The following ZNF239 variants were observed in gnomAD, a reference collection of about 807,000 sequenced individuals.
The protein encoded by ZNF239 is zinc finger protein (C2H2) homologous to mouse MOK-2.
A neutral mutation model predicts 27.5 loss-of-function variants in ZNF239; 16 were observed. That is an observed-to-expected ratio of 0.58 (90% CI 0.39 to 0.88). The LOEUF (loss-of-function observed/expected upper bound fraction) is 0.88, where lower values mean the gene tolerates loss of function less well. ZNF239 is among the 40% of genes least tolerant of loss of function. ZNF239 has a pLI of 0.00. For missense variants in ZNF239, 527 were observed against 551.9 expected (o/e 0.95, Z 0.45); for synonymous variants, 199 against 192.6 (o/e 1.03, Z -0.27).
At chr10:43,566,374 C>G (rs1383984329) in intron 3 of ZNF239, among the ~76,000 whole-genome samples, 2 of 152,050 alleles carry the variant, frequency 1.3e-5, no homozygotes, top group African/African-American at 4.8e-5. Context: ...GCAACTCTGC[C>G]TTCCTGGCTC....
intron 1 of ZNF239, among the ~76,000 whole-genome samples, chr10:43,574,013 G>C (rs886247053): frequency 2.0e-5 from 3 of 152,164 alleles, no homozygotes; most frequent in African/African-American, 7.2e-5. Context: ...GATGGATTTC[G>C]GTTGCCCAAG....
At position 43,560,364 on chromosome 10, in the gene ZNF239, G is replaced by A. The variant is rs565866735; in HGVS notation, c.-92-2193C>T. Among the ~76,000 whole-genome samples the A allele has an allele frequency of 3.3e-5, 5 of 152,294 alleles. No homozygotes were observed. The South Asian group carries it at 1.0e-3, about 32-fold the overall frequency. ...CTTCAAGCTAAACTTTTTAATGGGA[G>A]TTCTGACAAGGAAGATAGCCCAGCG... On this transcript the variant is annotated intron_variant, in intron 3 of 3. Transcript: ENST00000374446.
chr10:43,561,623 A>G (rs1437110847), intron 3 of ZNF239, among the ~76,000 whole-genome samples: 2 of 152,168 alleles, frequency 1.3e-5, no homozygotes. Context: ...ACTATAGCAA[A>G]ATTTTTTAAA....
At chr10:43,558,696 G>A (rs968520872) in intron 3 of ZNF239, among the ~76,000 whole-genome samples, 3 of 152,206 alleles carry the variant, frequency 2.0e-5, no homozygotes, top group East Asian at 3.9e-4. Context: ...TGATCCATCC[G>A]CGTCAGCCTC....
intron 2 of ZNF239, chr10:43,570,131 C>A: frequency 1.0e-6 from 1 of 979,996 alleles, no homozygotes; most frequent in Non-Finnish European, 1.2e-6. Flanking sequence ...AGGCACCACT[C>A]CCTCCTTCCT....
intron 3 of ZNF239, among the ~76,000 whole-genome samples, chr10:43,559,930 A>G (rs1209429754): frequency 6.6e-6 from 1 of 152,234 alleles, no homozygotes; most frequent in Non-Finnish European, 1.5e-5. Flanking sequence ...ACATCCTAAG[A>G]AATCATAGAA....
In ZNF239 at chr10:43,557,313, A is replaced by T. The variant is rs761748741; in HGVS notation, c.767T>A (p.Val256Asp). The change falls in exon 4 of 4, where the codon GTC becomes GAC. Residue 256 changes from valine (V) to aspartate (D), a missense_variant. By Grantham distance (152) the Val-to-Asp change is radical (BLOSUM62 -3). Coordinates refer to ENST00000374446, the MANE Select transcript of ZNF239 (RefSeq NM_001099282.2). ...RSSSLLIHQA[V>D]HTDEKPYKCD... is the part of the protein sequence containing the mutation. ...CTTATAAGGCTTCTCATCTGTGTGG[A>T]CTGCCTGATGGATAAGCAGACTCGA... The T allele has an allele frequency of 5.0e-6, 8 of 1,614,016 alleles. No homozygotes were observed. In the South Asian group the frequency reaches 8.8e-5, roughly 18 times the overall value.
intron 3 of ZNF239, among the ~76,000 whole-genome samples, chr10:43,565,626 T>C (rs1316281803): frequency 6.6e-6 from 1 of 151,660 alleles, no homozygotes; most frequent in African/African-American, 2.4e-5. Context: ...CCAGCCTGGC[T>C]AACATGGTGA....
At position 43,557,799 on chromosome 10, in the gene ZNF239, C is replaced by A. The variant is rs372651134; in HGVS notation, c.281G>T (p.Arg94Leu). The A allele has an allele frequency of 5.0e-6, 8 of 1,614,214 alleles. No individual in the cohort carries two copies. The highest frequency in any genetic ancestry group is 6.8e-6 in the Non-Finnish European group (8 of 1,180,042). Residue 94 changes from arginine to leucine, a missense_variant, in exon 4 of 4, where the codon CGT (arginine) becomes CTT (leucine). Transcript: ENST00000374446. ...AGTGCTTTCTTCCATTACAAAGAGA[C>A]GTCTGCTTTCCTGATGATCCTGAGG... ...NEPQDHQESR[R>L]LFVMEESTER...
intron 3 of ZNF239, 94 bp downstream of exon 3, chr10:43,567,805 T>C: frequency 2.9e-6 from 2 of 701,264 alleles, no homozygotes; most frequent in Non-Finnish European, 3.5e-6. Flanking sequence ...TTTAGCTGCT[T>C]AGAATAGTCA....
chr10:43,571,163 T>C (rs552968927), intron 2 of ZNF239, among the ~76,000 whole-genome samples: 18 of 151,806 alleles, frequency 1.2e-4, no homozygotes, highest in East Asian at 9.7e-4. Context: ...ACAAGTTCAA[T>C]TGTTTCCTGT....
Position 43,574,597 on chromosome 10 carries a change from C to T in ZNF239, c.-314G>A, listed in dbSNP as rs1268921945. On this transcript the variant is annotated 5_prime_UTR_variant, in exon 1 of 4. Coordinates refer to ENST00000374446, the MANE Select transcript of ZNF239 (RefSeq NM_001099282.2). ...AGATTCCGGATGCTGACCGCTCGCG[C>T]GCCTAGGGCCCCGAAATACAAGTCC... 2.0e-5 allele frequency: 3 copies of T among 152,304 alleles called. No homozygotes were observed. Among genetic ancestry groups the T allele is most frequent in the East Asian group, 3.8e-4 (2 of 5,202 alleles). 9.4% of individuals were successfully genotyped at this position (152,304 alleles called of 1,614,324 possible). A position where few individuals can be genotyped will look rare whatever the true frequency, so the allele number is the denominator to read the frequency against.
rs1366601202 is a variant in ZNF239, at chr10:43,556,516, T to C, written c.*187A>G. ...CCATCTGAGAAACAAGAACAATCCATTCATTGTACAGCATAACAAAGTGCT... is the reference window on the plus strand; with the variant it reads ...CCATCTGAGAAACAAGAACAATCCACTCATTGTACAGCATAACAAAGTGCT... On this transcript the variant is annotated 3_prime_UTR_variant, in exon 4 of 4. Transcript: ENST00000374446. The C allele has an allele frequency of 1.4e-6, 1 of 705,162 alleles. No homozygotes were observed. The highest frequency in any genetic ancestry group is 1.8e-5 in the African/African-American group (1 of 56,114). The allele number at this position is 705,162 out of a possible 1,614,324, so 43.7% of individuals were successfully genotyped here.
In ZNF239 at chr10:43,558,275, A is replaced by G. The variant is rs899519057; in HGVS notation, c.-92-104T>C. On this transcript the variant is annotated intron_variant, in intron 3 of 3. Transcript: ENST00000374446. ...AGTCTTAGTAACTAGGAAAAAGTTC[A>G]GCTTGTCTTTATAGTCATGTCCTTT... is the stretch of plus-strand genomic sequence containing the variant. 1.0e-5 allele frequency: 11 copies of G among 1,105,044 alleles called. No individual in the cohort carries two copies. The Admixed American group carries it at 3.2e-4, about 33-fold the overall frequency. The allele number at this position is 1,105,044 out of a possible 1,614,324, so 68.5% of individuals were successfully genotyped here.
chr10:43,574,350 G>T (rs992468998), intron 1 of ZNF239, among the ~76,000 whole-genome samples, 190 bp downstream of exon 1: 1 of 152,186 alleles, frequency 6.6e-6, no homozygotes, highest in African/African-American at 2.4e-5. Flanking sequence ...CCCCGGGGGC[G>T]CAGCAGCTCG....
At chr10:43,564,906 C>T (rs1178325984) in intron 3 of ZNF239, among the ~76,000 whole-genome samples, 2 of 151,910 alleles carry the variant, frequency 1.3e-5, no homozygotes, top group Non-Finnish European at 2.9e-5. Flanking sequence ...AAAAGTGGGA[C>T]TATAAGAAGG....
chr10:43,557,882 C>T lies in ZNF239; in HGVS notation c.198G>A (p.Leu66=), dbSNP rs371028009. 1 of 1,614,214 alleles carries T rather than the reference C, an allele frequency of 6.2e-7. No individual in the cohort carries two copies. Among genetic ancestry groups the T allele is most frequent in the East Asian group, 2.2e-5 (1 of 44,890 alleles). The change falls in exon 4 of 4, where the codon TTG becomes TTA. Residue 66 remains leucine (L), a synonymous_variant. Coordinates refer to ENST00000374446, the MANE Select transcript of ZNF239 (RefSeq NM_001099282.2). Reference sequence around the variant, plus strand: ...GTGTGTCTATTTGGCTTGAGACTTTCAAAGGCAAATATGTTTCACTTTCAA... The same window carrying T: ...GTGTGTCTATTTGGCTTGAGACTTTTAAAGGCAAATATGTTTCACTTTCAA... ...ENIESETYLP[L]KVSSQIDTQD... is the part of the protein sequence containing the mutation.
At chr10:43,570,050 AAT>A (rs780983924) in intron 2 of ZNF239, 42 of 407,084 alleles carry the variant, frequency 1.0e-4, no homozygotes, top group Admixed American at 9.0e-4. Context: ...AAAGTGATAG[AAT>A]ATATAAAAAG....
At chr10:43,562,165 A>G (rs902228934) in intron 3 of ZNF239, among the ~76,000 whole-genome samples, 1 of 152,198 alleles carries the variant, frequency 6.6e-6, no homozygotes, top group Non-Finnish European at 1.5e-5. Context: ...TAGAAATTAC[A>G]AAATATTGAT....
Sources: gnomAD v4.1 joint callset for allele counts (sites outside exome capture counted in the v4.1 genomes callset) on GRCh38, gnomAD v4.1.1 for gene constraint, MANE v1.5 for transcripts, NCBI Gene and HGNC (gene_info 2026-07-23, HGNC 2026-07-21) for gene names.